Variants in GRB2 observed in about 807,000 individuals in gnomAD.
The protein encoded by GRB2 is growth factor receptor-bound protein 2.
GRB2 carries 2 observed loss-of-function variants against 27.4 expected under a neutral mutation model. The ratio of observed to expected loss-of-function variants is 0.07; its 90% CI spans 0.03 to 0.23. GRB2 has a LOEUF of 0.23. Ranked by LOEUF, GRB2 falls within the 10% of genes least tolerant of loss-of-function variation. The pLI, the probability that GRB2 is intolerant of heterozygous loss-of-function variation, is 1.00. For missense variants in GRB2, 102 were observed against 282.4 expected (o/e 0.36, Z 4.58); for synonymous variants, 94 against 99.6 (o/e 0.94, Z 0.33).
At chr17:75,331,461 G>A (rs991184611) in intron 3 of GRB2, among the ~76,000 whole-genome samples, 1 of 152,156 alleles carries the variant, frequency 6.6e-6, no homozygotes, top group Admixed American at 6.5e-5. Flanking sequence ...AGATTTAAAT[G>A]CCTGTGTCAC....
intron 2 of GRB2, among the ~76,000 whole-genome samples, chr17:75,370,387 A>G (rs1438869551): frequency 6.6e-6 from 1 of 152,206 alleles, no homozygotes; most frequent in Non-Finnish European, 1.5e-5. Context: ...CTAAGAGAGA[A>G]TTTGTACCAC....
At chr17:75,328,370 T>C (rs1438423442) in intron 3 of GRB2, among the ~76,000 whole-genome samples, 1 of 150,596 alleles carries the variant, frequency 6.6e-6, no homozygotes, top group Non-Finnish European at 1.5e-5. Context: ...CTGGGTGCGG[T>C]GGCTCAATGC....
chr17:75,389,377 A>G (rs1314261770), intron 2 of GRB2, among the ~76,000 whole-genome samples: 2 of 152,116 alleles, frequency 1.3e-5, no homozygotes, highest in East Asian at 3.8e-4. Flanking sequence ...ATCCTTCCTG[A>G]ACGACTCTAG....
At chr17:75,352,549 G>A (rs1482060725) in intron 2 of GRB2, among the ~76,000 whole-genome samples, 1 of 152,142 alleles carries the variant, frequency 6.6e-6, no homozygotes, top group Admixed American at 6.6e-5. Context: ...ACGCTCCCTG[G>A]AAATGGAAGG....
At chr17:75,356,868 C>T (rs563997177) in intron 2 of GRB2, among the ~76,000 whole-genome samples, 1 of 152,216 alleles carries the variant, frequency 6.6e-6, no homozygotes, top group African/African-American at 2.4e-5. Flanking sequence ...CCTGTTGGGT[C>T]TCCTTTGCTA....
At chr17:75,333,758 T>C (rs1337211923) in intron 2 of GRB2, among the ~76,000 whole-genome samples, 3 of 152,090 alleles carry the variant, frequency 2.0e-5, no homozygotes, top group Non-Finnish European at 4.4e-5. Context: ...AAATGCCACA[T>C]TGTATTAAAG....
chr17:75,405,654 G>T lies in GRB2; in HGVS notation c.-303C>A, dbSNP rs922046790. ...CCGCCGCCGCTGCCGCCGCCCGGTC[G>T]CCGAAGCAGCAATACCTCCTGGCTT... is the stretch of plus-strand genomic sequence containing the variant. On this transcript the variant is annotated 5_prime_UTR_variant, in exon 1 of 6. Transcript: ENST00000316804. 4.3e-5 allele frequency: 7 copies of T among 161,812 alleles called. No homozygotes were observed. In the East Asian group the frequency reaches 1.1e-3, roughly 26 times the overall value. 10.0% of individuals were successfully genotyped at this position (161,812 alleles called of 1,614,324 possible). A position where few individuals can be genotyped will look rare whatever the true frequency, so the allele number is the denominator to read the frequency against.
At chr17:75,335,627 G>C (rs901341946) in intron 2 of GRB2, among the ~76,000 whole-genome samples, 2 of 152,188 alleles carry the variant, frequency 1.3e-5, no homozygotes, top group African/African-American at 4.8e-5. Flanking sequence ...CACTCTGACT[G>C]CAGGTGCCAG....
intron 3 of GRB2, among the ~76,000 whole-genome samples, chr17:75,327,280 G>C (rs1184597242): frequency 6.6e-6 from 1 of 151,542 alleles, no homozygotes; most frequent in Non-Finnish European, 1.5e-5. Flanking sequence ...GGGTTTCACC[G>C]TGTTAGCCAG....
At chr17:75,333,385 G>A (rs1348547754) in intron 2 of GRB2, among the ~76,000 whole-genome samples, 1 of 152,034 alleles carries the variant, frequency 6.6e-6, no homozygotes, top group Non-Finnish European at 1.5e-5. Context: ...CAGTTTTTTT[G>A]TTTGGTTTGG....
intron 2 of GRB2, among the ~76,000 whole-genome samples, chr17:75,376,296 G>C (rs1247547184): frequency 1.5e-5 from 2 of 133,784 alleles, no homozygotes; most frequent in African/African-American, 5.3e-5. Context: ...AGTGAGCCGA[G>C]ATTGTGCCAC....
chr17:75,342,700 A>T (rs1448506827), intron 2 of GRB2, among the ~76,000 whole-genome samples: 1 of 152,138 alleles, frequency 6.6e-6, no homozygotes, highest in Non-Finnish European at 1.5e-5. Flanking sequence ...CTGTAACGTA[A>T]GCACCCTGCC....
chr17:75,322,448 G>A (rs1364016679), intron 4 of GRB2, among the ~76,000 whole-genome samples: 1 of 151,684 alleles, frequency 6.6e-6, no homozygotes, highest in Non-Finnish European at 1.5e-5. Flanking sequence ...ACAAAGGAGT[G>A]TGACTTAACA....
intron 2 of GRB2, among the ~76,000 whole-genome samples, chr17:75,367,604 G>T (rs1344281857): frequency 2.0e-5 from 3 of 152,204 alleles, no homozygotes; most frequent in Non-Finnish European, 4.4e-5. Context: ...AAGTTACCTT[G>T]TGAGAAATGA....
chr17:75,339,822 T>C (rs1357661351), intron 2 of GRB2, among the ~76,000 whole-genome samples: 1 of 151,972 alleles, frequency 6.6e-6, no homozygotes, highest in Non-Finnish European at 1.5e-5. Flanking sequence ...AGAGATGGAG[T>C]TTCGCCATGT....
chr17:75,365,041 T>C (rs1028829689), intron 2 of GRB2, among the ~76,000 whole-genome samples: 12 of 152,156 alleles, frequency 7.9e-5, no homozygotes, highest in African/African-American at 2.9e-4. Context: ...TGGCAGACCA[T>C]GAAGAGTAAA....
chr17:75,323,715 A>C (rs2078476315), intron 4 of GRB2, among the ~76,000 whole-genome samples: 1 of 152,122 alleles, frequency 6.6e-6, no homozygotes. Context: ...CCAGTGATTT[A>C]CTGCTTGTTC....
chr17:75,346,576 GC>G (rs759984676), intron 2 of GRB2, among the ~76,000 whole-genome samples: 3 of 97,118 alleles, frequency 3.1e-5, no homozygotes, highest in African/African-American at 1.1e-4. Flanking sequence ...TGCTTTTCTT[GC>G]CTTTTTTTTT....
At chr17:75,393,093 G>A (rs141358085) in intron 2 of GRB2, among the ~76,000 whole-genome samples, 4 of 152,244 alleles carry the variant, frequency 2.6e-5, no homozygotes, top group African/African-American at 9.6e-5. Context: ...TCTCTAAACT[G>A]GGAAAATTAA....
Sources: gnomAD v4.1 joint callset for allele counts (sites outside exome capture counted in the v4.1 genomes callset) on GRCh38, gnomAD v4.1.1 for gene constraint, MANE v1.5 for transcripts, NCBI Gene and HGNC (gene_info 2026-07-23, HGNC 2026-07-21) for gene names.